EML1: variants seen among roughly 807,000 people sequenced by gnomAD.
The protein encoded by EML1 is EMAP like 1, also known as echinoderm microtubule-associated protein-like 1.
EML1 carries 27 observed loss-of-function variants against 110.4 expected under a neutral mutation model. The observed-to-expected ratio is 0.24, with a 90% CI of 0.18 to 0.34. The LOEUF is 0.34. Among genes scored for constraint, EML1 ranks in the 10% least tolerant of loss-of-function variants. The pLI is 1.00. For missense variants in EML1, 741 were observed against 1,030.9 expected (o/e 0.72, Z 3.85); for synonymous variants, 344 against 385.8 (o/e 0.89, Z 1.27).
At chr14:99,851,968 C>T (rs532051397) in intron 2 of EML1, among the ~76,000 whole-genome samples, 2 of 152,308 alleles carry the variant, frequency 1.3e-5, no homozygotes, top group South Asian at 2.1e-4. Flanking sequence ...TCACCTGCTA[C>T]AGAGCTCTGT....
chr14:99,839,914 A>G (rs1424010660), intron 1 of EML1, among the ~76,000 whole-genome samples: 1 of 152,226 alleles, frequency 6.6e-6, no homozygotes, highest in Admixed American at 6.5e-5. Context: ...GAGAACAGAA[A>G]TAAAGCTGGA....
At chr14:99,738,913 C>G (rs1595220793) in intron 1 of EML1, among the ~76,000 whole-genome samples, 1 of 152,122 alleles carries the variant, frequency 6.6e-6, no homozygotes, top group Non-Finnish European at 1.5e-5. Context: ...AAAACCCCAC[C>G]TCGGAGGCTC....
At chr14:99,799,196 C>T (rs1015600330) in intron 1 of EML1, among the ~76,000 whole-genome samples, 1 of 152,134 alleles carries the variant, frequency 6.6e-6, no homozygotes, top group Non-Finnish European at 1.5e-5. Context: ...CTATAATAAT[C>T]CTTTGAGCGA....
chr14:99,859,937 G>A (rs1595391098), intron 2 of EML1, among the ~76,000 whole-genome samples: 3 of 152,204 alleles, frequency 2.0e-5, no homozygotes, highest in South Asian at 4.1e-4. Context: ...TATGTGCCGG[G>A]CACTGTACTA....
chr14:99,849,480 G>A (rs1161351398), intron 1 of EML1, among the ~76,000 whole-genome samples: 2 of 151,590 alleles, frequency 1.3e-5, no homozygotes, highest in African/African-American at 4.9e-5. Flanking sequence ...TCTTTGATTA[G>A]TATCTCATAA....
chr14:99,914,471 A>G, intron 14 of EML1, 95 bp from the exon 15 acceptor site: 1 of 1,533,414 alleles, frequency 6.5e-7, no homozygotes. Flanking sequence ...AGCAGTTATG[A>G]AGTCAGCATG....
chr14:99,782,030 T>A (rs1378057915), intron 1 of EML1, among the ~76,000 whole-genome samples: 1 of 152,202 alleles, frequency 6.6e-6, no homozygotes, highest in Non-Finnish European at 1.5e-5. Flanking sequence ...GGTCTGCACC[T>A]ACAGCAGGAG....
At chr14:99,780,858 G>T (rs1294687375) in intron 1 of EML1, among the ~76,000 whole-genome samples, 1 of 152,144 alleles carries the variant, frequency 6.6e-6, no homozygotes, top group African/African-American at 2.4e-5. Context: ...TGTGTAGTGG[G>T]CTGTACCATC....
upstream of EML1, among the ~76,000 whole-genome samples, chr14:99,791,222 T>C (rs573414125): frequency 2.0e-5 from 3 of 152,232 alleles, no homozygotes; most frequent in African/African-American, 7.2e-5. Context: ...CAGCAACCTA[T>C]TGCATCACCA....
At chr14:99,779,376 CTT>C (rs1479882787) in intron 1 of EML1, among the ~76,000 whole-genome samples, 1 of 152,180 alleles carries the variant, frequency 6.6e-6, no homozygotes, top group East Asian at 1.9e-4. Flanking sequence ...GATGCAATAA[CTT>C]TGACCTATGA....
chr14:99,845,080 G>A (rs962098136), intron 1 of EML1, among the ~76,000 whole-genome samples: 1 of 152,162 alleles, frequency 6.6e-6, no homozygotes, highest in Non-Finnish European at 1.5e-5. Context: ...ATAAGAAAAT[G>A]GTAAACTGTT....
intron 5 of EML1, among the ~76,000 whole-genome samples, chr14:99,892,600 A>C (rs1250319084): frequency 6.6e-6 from 1 of 152,120 alleles, no homozygotes. Context: ...CCCTGGCTGC[A>C]TTTTGATTTT....
chr14:99,856,874 T>G (rs56112547), intron 2 of EML1, among the ~76,000 whole-genome samples: 22,351 of 152,246 alleles, frequency 0.15, 2,158 homozygotes, highest in East Asian at 0.37. Context: ...CCTCTCCCAC[T>G]ACCCCTCACC....
chr14:99,774,301 C>T (rs1595264847), intron 1 of EML1, among the ~76,000 whole-genome samples: 1 of 152,178 alleles, frequency 6.6e-6, no homozygotes, highest in Admixed American at 6.5e-5. Context: ...GCCTTGTGAC[C>T]TCCACCCTAA....
chr14:99,919,259 A>G (rs2060086009), intron 16 of EML1, among the ~76,000 whole-genome samples: 1 of 152,196 alleles, frequency 6.6e-6, no homozygotes, highest in African/African-American at 2.4e-5. Context: ...AAAAAAGCGT[A>G]GCACTTAAAT....
At position 99,894,718 on chromosome 14, in the gene EML1, A is replaced by G; in HGVS notation, c.637A>G (p.Lys213Glu). Residue 213 changes from lysine to glutamate, a missense_variant, in exon 6 of 22, where the codon AAA (lysine) becomes GAA (glutamate). Physicochemically the swap from Lys to Glu is moderately conservative, Grantham distance 56. Transcript: ENST00000262233. ...AGTGGATTCTTACAGCTTGGAAGCA[A>G]AAGTAGAACTTCCAACCAAGAGACT... ...DQVDSYSLEA[K>E]VELPTKRLKL... 1.9e-6 allele frequency: 3 copies of G among 1,613,596 alleles called. No individual in the cohort carries two copies. Among genetic ancestry groups the G allele is most frequent in the Non-Finnish European group, 8.5e-7 (1 of 1,179,770 alleles).
intron 1 of EML1, among the ~76,000 whole-genome samples, chr14:99,846,854 A>T (rs1241275544): frequency 6.6e-6 from 1 of 152,172 alleles, no homozygotes; most frequent in Non-Finnish European, 1.5e-5. Context: ...TTTACCAAAT[A>T]TTTATTGAGT....
chr14:99,878,154 A>T (rs55669451), intron 3 of EML1, among the ~76,000 whole-genome samples: 40,266 of 151,746 alleles, frequency 0.27, 5,808 homozygotes, highest in Non-Finnish European at 0.32. Context: ...AAACCAAAAG[A>T]TTGGACATCC....
intron 1 of EML1, among the ~76,000 whole-genome samples, chr14:99,802,899 G>T (rs1306886406): frequency 6.6e-6 from 1 of 152,102 alleles, no homozygotes; most frequent in Non-Finnish European, 1.5e-5. Flanking sequence ...ATGGCCTCCT[G>T]TTTAAAAGCT....
Sources: gnomAD v4.1 joint callset for allele counts (sites outside exome capture counted in the v4.1 genomes callset) on GRCh38, gnomAD v4.1.1 for gene constraint, MANE v1.5 for transcripts, NCBI Gene and HGNC (gene_info 2026-07-23, HGNC 2026-07-21) for gene names.